Variants in B3GALT5 observed in about 807,000 individuals in gnomAD.
B3GALT5 encodes the protein beta-1,3-galactosyltransferase 5.
For synonymous variants in B3GALT5, 156 were observed against 158.6 expected (o/e 0.98, Z 0.12); for missense variants, 328 against 396.6 (o/e 0.83, Z 1.47).
At position 39,670,831 on chromosome 21, in the gene B3GALT5, A is replaced by T. The variant is rs886497249; in HGVS notation, c.*9339A>T. ...TCAGGCTTGTTAATTATTTAATCTAACAGCTGCCATGCACCCTCATTTTAA... is the reference window on the plus strand; with the variant it reads ...TCAGGCTTGTTAATTATTTAATCTATCAGCTGCCATGCACCCTCATTTTAA... On this transcript the variant is annotated 3_prime_UTR_variant, in exon 4 of 4. Coordinates refer to ENST00000684187, the MANE Select transcript of B3GALT5 (RefSeq NM_001356336.2). The T allele has an allele frequency of 2.0e-5, 3 of 152,200 alleles. No individual in the cohort carries two copies. The highest frequency in any genetic ancestry group is 7.2e-5 in the African/African-American group (3 of 41,442). The allele number at this position is 152,200 out of a possible 1,614,324, so 9.4% of individuals were successfully genotyped here.
rs552833987 is a variant in B3GALT5 at position 39,649,702 on chromosome 21, C to T, written c.-161+3080C>T. ...TAAACCCACCTTGCTGGAGGCAGAC[C>T]AGGGTGACCAGACATCAAGGGTGGG... On this transcript the variant is annotated intron_variant, in intron 2 of 3. Transcript: ENST00000684187. Among the ~76,000 whole-genome samples the T allele has an allele frequency of 3.9e-5, 6 of 152,196 alleles. No individual in the cohort carries two copies. In the East Asian group the frequency reaches 5.8e-4, roughly 15 times the overall value.
chr21:39,622,684 G>A (rs2079140230), intron 1 of B3GALT5, among the ~76,000 whole-genome samples: 2 of 152,062 alleles, frequency 1.3e-5, no homozygotes, highest in African/African-American at 4.8e-5. Flanking sequence ...TTCTAAGCAA[G>A]TGAACTTAAT....
intron 1 of B3GALT5, among the ~76,000 whole-genome samples, chr21:39,623,096 T>TTCCC (rs111496766): frequency 0.33 from 44,400 of 136,272 alleles, 8,568 homozygotes; most frequent in African/African-American, 0.52. Flanking sequence ...CCATCCTTCC[T>TTCCC]TCCCTCCCTC....
intron 2 of B3GALT5, among the ~76,000 whole-genome samples, chr21:39,647,372 A>G (rs777837327): frequency 4.6e-5 from 7 of 152,120 alleles, no homozygotes; most frequent in Non-Finnish European, 8.8e-5. Flanking sequence ...GCCTCATATA[A>G]ATTGAAATCC....
intron 1 of B3GALT5, among the ~76,000 whole-genome samples, chr21:39,623,547 T>C (rs2079148892): frequency 6.6e-6 from 1 of 152,048 alleles, no homozygotes; most frequent in African/African-American, 2.4e-5. Flanking sequence ...TTTGAAAATA[T>C]TTTAATTATG....
chr21:39,672,676 C>T lies in B3GALT5; in HGVS notation c.*11184C>T, dbSNP rs566019490. 1.3e-5 allele frequency: 2 copies of T among 152,230 alleles called. No homozygotes were observed. The highest frequency in any genetic ancestry group is 1.9e-4 in the East Asian group (1 of 5,184). 9.4% of individuals were successfully genotyped at this position (152,230 alleles called of 1,614,324 possible). On this transcript the variant is annotated 3_prime_UTR_variant, in exon 4 of 4. Coordinates refer to ENST00000684187, the MANE Select transcript of B3GALT5 (RefSeq NM_001356336.2). Reference sequence around the variant, plus strand: ...AAATTGGCAAGGTAATGGTCTGAATCGGACAATCCTTTTGTTTTTACATTG... The same window carrying T: ...AAATTGGCAAGGTAATGGTCTGAATTGGACAATCCTTTTGTTTTTACATTG...
chr21:39,617,973 A>G (rs1178545558), intron 1 of B3GALT5, among the ~76,000 whole-genome samples: 1 of 150,212 alleles, frequency 6.7e-6, no homozygotes, highest in Non-Finnish European at 1.5e-5. Context: ...CCTCATCTCT[A>G]TGAAAAAAAT....
intron 2 of B3GALT5, among the ~76,000 whole-genome samples, chr21:39,648,975 A>G (rs2079368273): frequency 6.6e-6 from 1 of 152,236 alleles, no homozygotes; most frequent in South Asian, 2.1e-4. Context: ...CTCCAGTACC[A>G]TGAGAAAAGA....
rs141618322 is a variant in B3GALT5, at chr21:39,672,308, T to C, written c.*10816T>C. 32 of 152,252 alleles carry C rather than the reference T, an allele frequency of 2.1e-4. No individual in the cohort carries two copies. Among genetic ancestry groups the C allele is most frequent in the African/African-American group, 7.2e-4 (30 of 41,524 alleles). 9.4% of individuals were successfully genotyped at this position (152,252 alleles called of 1,614,324 possible). ...GCTCCAGAGAGTATCAGATGGGAAA[T>C]AGATGACTTGTTTTACCTGGTCAAA... On this transcript the variant is annotated 3_prime_UTR_variant, in exon 4 of 4. Coordinates refer to ENST00000684187, the MANE Select transcript of B3GALT5 (RefSeq NM_001356336.2).
At chr21:39,617,486 G>A (rs755465482) in intron 1 of B3GALT5, among the ~76,000 whole-genome samples, 64 of 152,298 alleles carry the variant, frequency 4.2e-4, no homozygotes, top group Admixed American at 9.8e-4. Context: ...ACATGTGAGC[G>A]TGTGGGAAAA....
In B3GALT5 at chr21:39,672,436, T is replaced by G. The variant is rs1269327734; in HGVS notation, c.*10944T>G. On this transcript the variant is annotated 3_prime_UTR_variant, in exon 4 of 4. Transcript: ENST00000684187. ...TTCCTAAAAGACACGAAATTAAATT[T>G]ACATGTCACTGAATGCTATTTGAAA... 1 of 152,280 alleles carries G rather than the reference T, an allele frequency of 6.6e-6. No individual in the cohort carries two copies. Among genetic ancestry groups the G allele is most frequent in the African/African-American group, 2.4e-5 (1 of 41,474 alleles). The allele number at this position is 152,280 out of a possible 1,614,324, so 9.4% of individuals were successfully genotyped here. A position where few individuals can be genotyped will look rare whatever the true frequency, so the allele number is the denominator to read the frequency against.
Position 39,660,921 on chromosome 21 carries a change from A to G in B3GALT5, c.362A>G (p.Gln121Arg), listed in dbSNP as rs1486087443. Residue 121 changes from glutamine to arginine, a missense_variant, in exon 4 of 4, where the codon CAG becomes CGG. Coordinates refer to ENST00000684187, the MANE Select transcript of B3GALT5 (RefSeq NM_001356336.2). ...AGCCAGCGACACGGGGACATTATCC[A>G]GAAGGATTTCCTAGACGTCTATTAC... ...QESQRHGDII[Q>R]KDFLDVYYNL... is the part of the protein sequence containing the mutation. The G allele has an allele frequency of 6.2e-7, 1 of 1,609,392 alleles. No homozygotes were observed. Among genetic ancestry groups the G allele is most frequent in the African/African-American group, 1.3e-5 (1 of 74,842 alleles).
At chr21:39,660,010 G>A (rs1249829189) in intron 3 of B3GALT5, 98 bp downstream of exon 3, 1 of 677,660 alleles carries the variant, frequency 1.5e-6, no homozygotes, top group African/African-American at 2.0e-5. Flanking sequence ...GAAAGAATCA[G>A]ATCAGAGACT....
At chr21:39,650,721 A>C (rs1262339486) in intron 2 of B3GALT5, among the ~76,000 whole-genome samples, 1 of 152,142 alleles carries the variant, frequency 6.6e-6, no homozygotes, top group Non-Finnish European at 1.5e-5. Flanking sequence ...AGGATACTGG[A>C]GAGATGATTC....
intron 1 of B3GALT5, among the ~76,000 whole-genome samples, chr21:39,629,313 C>G (rs1187693279): frequency 6.6e-6 from 1 of 152,206 alleles, no homozygotes; most frequent in South Asian, 2.1e-4. Context: ...CCATGCCGAG[C>G]CTTAACATCT....
rs1319329860 is a variant in B3GALT5 at position 39,668,434 on chromosome 21, C to T, written c.*6942C>T. 1.3e-5 allele frequency: 2 copies of T among 152,144 alleles called. No individual in the cohort carries two copies. Among genetic ancestry groups the T allele is most frequent in the Non-Finnish European group, 2.9e-5 (2 of 68,054 alleles). The allele number at this position is 152,144 out of a possible 1,614,324, so 9.4% of individuals were successfully genotyped here. A position where few individuals can be genotyped will look rare whatever the true frequency, so the allele number is the denominator to read the frequency against. On this transcript the variant is annotated 3_prime_UTR_variant, in exon 4 of 4. Coordinates refer to ENST00000684187, the MANE Select transcript of B3GALT5 (RefSeq NM_001356336.2). ...GGTCTGTGTGTGATTTGCAGAGTAACGATATGAAGAAGGAGGTCTTGTTAA... is the reference window on the plus strand; with the variant it reads ...GGTCTGTGTGTGATTTGCAGAGTAATGATATGAAGAAGGAGGTCTTGTTAA...
intron 2 of B3GALT5, among the ~76,000 whole-genome samples, chr21:39,650,465 A>G (rs2079384194): frequency 6.6e-6 from 1 of 152,162 alleles, no homozygotes; most frequent in Non-Finnish European, 1.5e-5. Flanking sequence ...TGTGAGCTTG[A>G]AAGGGGATGA....
At chr21:39,647,764 G>C (rs73213477) in intron 2 of B3GALT5, among the ~76,000 whole-genome samples, 13,975 of 152,174 alleles carry the variant, frequency 0.092, 771 homozygotes, top group Admixed American at 0.16. Context: ...AGAGTCTATG[G>C]CTTTACCATT....
intron 1 of B3GALT5, among the ~76,000 whole-genome samples, chr21:39,617,341 A>G (rs2079112022): frequency 6.6e-6 from 1 of 152,184 alleles, no homozygotes; most frequent in Non-Finnish European, 1.5e-5. Context: ...ACTTCCAGAG[A>G]CTGGGTAATT....
Sources: gnomAD v4.1 joint callset for allele counts (sites outside exome capture counted in the v4.1 genomes callset) on GRCh38, gnomAD v4.1.1 for gene constraint, MANE v1.5 for transcripts, NCBI Gene and HGNC (gene_info 2026-07-23, HGNC 2026-07-21) for gene names.